The following AKT2 variants were observed in gnomAD, a reference collection of about 807,000 sequenced individuals.
The protein encoded by AKT2 is AKT serine/threonine kinase 2, also known as RAC-beta serine/threonine-protein kinase.
A neutral mutation model predicts 58.6 loss-of-function variants in AKT2; 16 were observed. The ratio of observed to expected loss-of-function variants is 0.27; its 90% confidence interval spans 0.18 to 0.41. The LOEUF (loss-of-function observed/expected upper bound fraction) is 0.41. AKT2 is among the 10% of genes least tolerant of loss of function. The probability of loss-of-function intolerance (pLI) is 1.00; values close to 1 mark genes in which losing one functional copy is unlikely to be tolerated. For missense variants in AKT2, 438 were observed against 661.0 expected, an observed-to-expected ratio of 0.66 and a Z score of 3.70; for synonymous variants, 253 against 254.0, an observed-to-expected ratio of 1.00 and a Z score of 0.04.
At chr19:40,260,793 T>C (rs1975892230) in intron 2 of AKT2, among the ~76,000 whole-genome samples, 1 of 151,730 alleles carries the variant, frequency 6.6e-6, no homozygotes, top group African/African-American at 2.4e-5. Context: ...CTCAAAAACA[T>C]TAAGCTTAGC....
rs145977456 is a variant in AKT2 at position 40,235,940 on chromosome 19, G to C, written c.1125C>G (p.Pro375=). Reference sequence around the variant, plus strand: ...GCCCAGCAAGCAGGGACTTGGCCTCGGGGCTGAGCGTGCGCGGGAAGCGGA... The same window carrying C: ...GCCCAGCAAGCAGGGACTTGGCCTCCGGGCTGAGCGTGCGCGGGAAGCGGA... ...EEIRFPRTLS[P]EAKSLLAGLL... is the part of the protein sequence containing the mutation. The change falls in exon 11 of 14, where the codon CCC becomes CCG. Residue 375 remains proline (P), a synonymous_variant. Coordinates refer to ENST00000392038, the MANE Select transcript of AKT2 (RefSeq NM_001626.6). This position sits in a 1 kb window ranked among gnomAD's most constrained non-coding sequence, Gnocchi z 6.3. The C allele has an allele frequency of 6.8e-6, 11 of 1,613,752 alleles. No individual in the cohort carries two copies. In the South Asian group the frequency reaches 8.8e-5, roughly 13 times the overall value.
In AKT2 at chr19:40,285,266, CCCGGCAGCGGCAACGGCGCCGGCA is replaced by C. The variant is rs2077494412; in HGVS notation, c.-194_-171del. ...GCGCTGGTTCCCTTTCCTTGTGTTT[CCCGGCAGCGGCAACGGCGCCGGCA>C]GCGGCAGCGGCGGCGGCGACGCCTC... is the stretch of plus-strand genomic sequence containing the variant. On this transcript the variant is annotated 5_prime_UTR_variant, in exon 1 of 14. Transcript: ENST00000392038. 2.5e-6 allele frequency: 1 copy of C among 395,546 alleles called. No homozygotes were observed. Among genetic ancestry groups the C allele is most frequent in the African/African-American group, 2.1e-5 (1 of 48,448 alleles). The allele number at this position is 395,546 out of a possible 1,614,324, so 24.5% of individuals were successfully genotyped here. A position where few individuals can be genotyped will look rare whatever the true frequency, so the allele number is the denominator to read the frequency against.
At chr19:40,243,887 A>G (rs1043627836) in intron 4 of AKT2, 3 of 151,756 alleles carry the variant, frequency 2.0e-5, no homozygotes, top group African/African-American at 4.8e-5. Flanking sequence ...TACTAAAAAT[A>G]CAAAAAATTA....
chr19:40,285,321 A>G lies in AKT2; in HGVS notation c.-225T>C. On this transcript the variant is annotated 5_prime_UTR_variant, in exon 1 of 14. Coordinates refer to ENST00000392038, the MANE Select transcript of AKT2 (RefSeq NM_001626.6). Reference sequence around the variant, plus strand: ...AGCGGCGGCGGCGACGCCTCCTCCGAGGCAGGCCCAACGGCTAGCACGGCG... The same window carrying G: ...AGCGGCGGCGGCGACGCCTCCTCCGGGGCAGGCCCAACGGCTAGCACGGCG... 2.5e-6 allele frequency: 1 copy of G among 393,722 alleles called. No homozygotes were observed. The highest frequency in any genetic ancestry group is 4.5e-6 in the Non-Finnish European group (1 of 223,132). 24.4% of individuals were successfully genotyped at this position (393,722 alleles called of 1,614,324 possible). A position where few individuals can be genotyped will look rare whatever the true frequency, so the allele number is the denominator to read the frequency against.
At chr19:40,267,328 C>T (rs568527192) in intron 1 of AKT2, among the ~76,000 whole-genome samples, 1 of 152,130 alleles carries the variant, frequency 6.6e-6, no homozygotes. Flanking sequence ...AGAAAGCCCT[C>T]GGGAAAGGCT....
At position 40,238,089 on chromosome 19, in the gene AKT2, C is replaced by T. The variant is rs776435289; in HGVS notation, c.711G>A (p.Leu237=). 15 of 1,595,040 alleles carry T rather than the reference C, an allele frequency of 9.4e-6. No homozygotes were observed. The highest frequency in any genetic ancestry group is 1.3e-5 in the Non-Finnish European group (15 of 1,171,150). ...CACGCTCCCGGGACAGGTGGAAGAA[C>T]AGCTGCAGGAGGAAGGGGTGGGGAG... is the stretch of plus-strand genomic sequence containing the variant. ...FVMEYANGGE[L]FFHLSRERVF... The change falls in exon 9 of 14, where the codon CTG becomes CTA. Residue 237 remains leucine (L), a splice_region_variant and synonymous_variant. Coordinates refer to ENST00000392038, the MANE Select transcript of AKT2 (RefSeq NM_001626.6). The surrounding 1 kb of genome is among the most constrained non-coding windows in gnomAD (Gnocchi z 5.1).
At position 40,230,501 on chromosome 19, in the gene AKT2, C is replaced by T. The variant is rs1973650011; in HGVS notation, c.*3371G>A. On this transcript the variant is annotated 3_prime_UTR_variant, in exon 14 of 14. Coordinates refer to ENST00000392038, the MANE Select transcript of AKT2 (RefSeq NM_001626.6). ...GGGAATCGCACTGCCGCCCCCGACTCCACACAACCATCAGTGCACGAGGGC... is the reference window on the plus strand; with the variant it reads ...GGGAATCGCACTGCCGCCCCCGACTTCACACAACCATCAGTGCACGAGGGC... 4.4e-6 allele frequency: 1 copy of T among 227,716 alleles called. No individual in the cohort carries two copies. The highest frequency in any genetic ancestry group is 2.2e-5 in the African/African-American group (1 of 44,976). 14.1% of individuals were successfully genotyped at this position (227,716 alleles called of 1,614,324 possible). A position where few individuals can be genotyped will look rare whatever the true frequency, so the allele number is the denominator to read the frequency against.
At chr19:40,264,089 G>A (rs1313971959) in intron 2 of AKT2, among the ~76,000 whole-genome samples, 1 of 152,070 alleles carries the variant, frequency 6.6e-6, no homozygotes, top group Non-Finnish European at 1.5e-5. Flanking sequence ...TTTGCCTGTC[G>A]GGCTCACTGC....
intron 2 of AKT2, among the ~76,000 whole-genome samples, chr19:40,259,918 C>A (rs1975814546): frequency 6.6e-6 from 1 of 152,048 alleles, no homozygotes; most frequent in African/African-American, 2.4e-5. Context: ...TTTGGGAGGT[C>A]GAGGCAGGCG....
intron 1 of AKT2, among the ~76,000 whole-genome samples, chr19:40,271,252 CGT>C (rs2077209731): frequency 6.9e-6 from 1 of 144,578 alleles, no homozygotes; most frequent in Non-Finnish European, 1.5e-5. Context: ...TATATATACA[CGT>C]ATATATACAT....
Position 40,235,269 on chromosome 19 carries a change from C to A in AKT2, c.1257G>T (p.Gln419His). 1.2e-6 allele frequency: 2 copies of A among 1,614,082 alleles called. No homozygotes were observed. Among genetic ancestry groups the A allele is most frequent in the Non-Finnish European group, 1.7e-6 (2 of 1,180,016 alleles). The stretch of plus-strand genomic sequence containing the variant: ...GGCAAGCAGTGGGGCTCACCTTCTT[C>A]TGGACCACGTCCTGCCAGTTGATGC... ...FLSINWQDVV[Q>H]KKLLPPFKPQ... is the part of the protein sequence containing the mutation. The change falls in exon 12 of 14, where the codon CAG (glutamine) becomes CAT (histidine). Residue 419 changes from glutamine to histidine, a missense_variant. Gln to His is a conservative substitution (Grantham distance 24). Coordinates refer to ENST00000392038, the MANE Select transcript of AKT2 (RefSeq NM_001626.6). This position sits in a 1 kb window ranked among gnomAD's most constrained non-coding sequence, Gnocchi z 6.3.
In AKT2 at chr19:40,263,509, A is replaced by G. The variant is rs141007571; in HGVS notation, c.46+1713T>C. Among the ~76,000 whole-genome samples, 180 of 152,332 alleles carry G rather than the reference A, an allele frequency of 1.2e-3. 1 individual carries two copies. Among genetic ancestry groups the G allele is most frequent in the Middle Eastern group, 3.4e-3 (1 of 294 alleles). ...GGTGACATGGCTTGCTCACAGTTGC[A>G]CTAAGAGGAAGCAGCAGAACCAGGG... On this transcript the variant is annotated intron_variant, in intron 2 of 13. Transcript: ENST00000392038.
chr19:40,242,186 G>C lies in AKT2; in HGVS notation c.442-117C>G. On this transcript the variant is annotated intron_variant, in intron 5 of 13. Coordinates refer to ENST00000392038, the MANE Select transcript of AKT2 (RefSeq NM_001626.6). This position sits in a 1 kb window ranked among gnomAD's most constrained non-coding sequence, Gnocchi z 4.3. ...CACTGTTGCCAAACGGCTTAGGCTGGAGCAGGAAGGGAGGCTCTGGGCAGC... is the reference window on the plus strand; with the variant it reads ...CACTGTTGCCAAACGGCTTAGGCTGCAGCAGGAAGGGAGGCTCTGGGCAGC... The C allele has an allele frequency of 6.9e-7, 1 of 1,450,590 alleles. No homozygotes were observed. The highest frequency in any genetic ancestry group is 9.5e-7 in the Non-Finnish European group (1 of 1,054,794). The allele number at this position is 1,450,590 out of a possible 1,614,324, so 89.9% of individuals were successfully genotyped here.
chr19:40,267,501 G>A (rs935884770), intron 1 of AKT2, among the ~76,000 whole-genome samples: 3 of 152,252 alleles, frequency 2.0e-5, no homozygotes, highest in South Asian at 4.1e-4. Flanking sequence ...AGCTAAACCA[G>A]TGCCTCCTCC....
intron 3 of AKT2, 119 bp downstream of exon 3, chr19:40,256,807 C>A: frequency 6.7e-7 from 1 of 1,501,912 alleles, no homozygotes; most frequent in South Asian, 1.1e-5. Context: ...GAAAACAGAT[C>A]CAAGGGCAAG....
At position 40,233,086 on chromosome 19, in the gene AKT2, C is replaced by T. The variant is rs1973796589; in HGVS notation, c.*786G>A. 3 of 237,748 alleles carry T rather than the reference C, an allele frequency of 1.3e-5. No homozygotes were observed. The highest frequency in any genetic ancestry group is 5.4e-5 in the Admixed American group (1 of 18,386). 14.7% of individuals were successfully genotyped at this position (237,748 alleles called of 1,614,324 possible). ...GGGCCAGGCCAGGCCCAGGGTCCAG[C>T]GGGAGGTAAGGCCAGCTGGAAGGAA... is the stretch of plus-strand genomic sequence containing the variant. On this transcript the variant is annotated 3_prime_UTR_variant, in exon 14 of 14. Coordinates refer to ENST00000392038, the MANE Select transcript of AKT2 (RefSeq NM_001626.6). The surrounding 1 kb of genome is among the most constrained non-coding windows in gnomAD (Gnocchi z 4.3).
Position 40,238,369 on chromosome 19 carries a change from C to T in AKT2, c.709-278G>A, listed in dbSNP as rs185668859. On this transcript the variant is annotated intron_variant, in intron 8 of 13. Coordinates refer to ENST00000392038, the MANE Select transcript of AKT2 (RefSeq NM_001626.6). The surrounding 1 kb of genome is among the most constrained non-coding windows in gnomAD (Gnocchi z 5.1). ...TGGCATGGAGGCAAAAAGAAGCACA[C>T]GTCATGACCAAGTAACAATAGGCCA... 4.6e-5 allele frequency among the ~76,000 whole-genome samples: 7 copies of T among 152,300 alleles called. No homozygotes were observed. Among genetic ancestry groups the T allele is most frequent in the African/African-American group, 9.6e-5 (4 of 41,576 alleles).
chr19:40,272,100 C>T (rs2077225867), intron 1 of AKT2, among the ~76,000 whole-genome samples: 1 of 152,248 alleles, frequency 6.6e-6, no homozygotes, highest in South Asian at 2.1e-4. Flanking sequence ...CTCACAGCAA[C>T]ACTTTGAGGC....
At chr19:40,248,630 G>A (rs895734152) in intron 4 of AKT2, among the ~76,000 whole-genome samples, 2 of 152,266 alleles carry the variant, frequency 1.3e-5, no homozygotes, top group African/African-American at 2.4e-5. Context: ...AGAGGGAACT[G>A]CATGGCAAAG....
Sources: allele counts gnomAD v4.1 joint callset (sites outside exome capture counted in the v4.1 genomes callset), GRCh38; gene constraint gnomAD v4.1.1; non-coding constraint Gnocchi (gnomAD v3.1); transcripts MANE v1.5; gene names NCBI Gene and HGNC (gene_info 2026-07-23, HGNC 2026-07-21).